ARHGEF1: variants seen among roughly 807,000 people sequenced by gnomAD.
The protein encoded by ARHGEF1 is Rho guanine nucleotide exchange factor 1, also known as 115 kDa guanine nucleotide exchange factor.
A neutral mutation model predicts 119.7 loss-of-function variants in ARHGEF1; 40 were observed. That is an observed-to-expected ratio of 0.33 (90% CI 0.26 to 0.44). The LOEUF (loss-of-function observed/expected upper bound fraction) is 0.44, where lower values mean the gene tolerates loss of function less well. Among genes scored for constraint, ARHGEF1 ranks in the 20% least tolerant of loss-of-function variants. The pLI, the probability that ARHGEF1 is intolerant of heterozygous loss-of-function variation, is 1.00. For missense variants in ARHGEF1, 976 were observed against 1,268.3 expected, an observed-to-expected ratio of 0.77 and a Z score of 3.50; for synonymous variants, 494 against 521.0, an observed-to-expected ratio of 0.95 and a Z score of 0.71.
At chr19:41,922,404 C>T (rs145416572), upstream of ARHGEF1, among the ~76,000 whole-genome samples, 19 of 152,012 alleles carry the variant, frequency 1.2e-4, no homozygotes, top group African/African-American at 4.3e-4. Context: ...GGGATGGAGC[C>T]GAGAGCTAGA....
downstream of ARHGEF1, among the ~76,000 whole-genome samples, chr19:41,910,456 C>T (rs782429537): frequency 1.3e-5 from 2 of 152,112 alleles, no homozygotes; most frequent in Non-Finnish European, 2.9e-5. This position sits in a 1 kb window ranked among gnomAD's most constrained non-coding sequence, Gnocchi z 4.4. Context: ...TTAGTCCTCT[C>T]ACTGCCCCCA....
chr19:41,894,006 A>C (rs372762523), intron 8 of ARHGEF1, among the ~76,000 whole-genome samples: 1 of 151,434 alleles, frequency 6.6e-6, no homozygotes, highest in East Asian at 1.9e-4. Context: ...GGCATTGGGT[A>C]ACAGCCCTTG....
upstream of ARHGEF1, among the ~76,000 whole-genome samples, chr19:41,918,591 A>G (rs887944318): frequency 2.7e-5 from 4 of 148,610 alleles, no homozygotes; most frequent in Admixed American, 1.3e-4. Context: ...CAGTACATAC[A>G]CTACCCATCA....
Position 41,895,431 on chromosome 19 carries a change from C to T in ARHGEF1, c.960C>T (p.Asp320=), listed in dbSNP as rs948632192. 4.3e-6 allele frequency: 7 copies of T among 1,612,660 alleles called. No individual in the cohort carries two copies. The East Asian group carries it at 1.6e-4, about 36-fold the overall frequency. The change falls in exon 12 of 29, where the codon GAC becomes GAT. Residue 320 remains aspartate (D), a synonymous_variant. Transcript: ENST00000354532. ...GGAATATCGGGGCTCCTGGGCAGGACACCCCTGGAGTCTCTCTGCACCCTC... is the reference window on the plus strand; with the variant it reads ...GGAATATCGGGGCTCCTGGGCAGGATACCCCTGGAGTCTCTCTGCACCCTC... The part of the protein sequence containing the change: ...RDRNIGAPGQ[D]TPGVSLHPLS...
rs1369268156 is a variant in ARHGEF1 at position 41,906,196 on chromosome 19, G to C, written c.2491+171G>C. 1.5e-6 allele frequency: 1 copy of C among 681,360 alleles called. No homozygotes were observed. The highest frequency in any genetic ancestry group is 1.8e-5 in the African/African-American group (1 of 55,352). 42.2% of individuals were successfully genotyped at this position (681,360 alleles called of 1,614,324 possible). A position where few individuals can be genotyped will look rare whatever the true frequency, so the allele number is the denominator to read the frequency against. On this transcript the variant is annotated intron_variant, in intron 26 of 28. Transcript: ENST00000354532. This position sits in a 1 kb window ranked among gnomAD's most constrained non-coding sequence, Gnocchi z 4.5. Reference sequence around the variant, plus strand: ...TCCTGGGTGCCCACGTCCCTCTTCTGCAGCCACCATCCCTTGCTTGATTCT... The same window carrying C: ...TCCTGGGTGCCCACGTCCCTCTTCTCCAGCCACCATCCCTTGCTTGATTCT...
Position 41,901,754 on chromosome 19 carries a change from G to A in ARHGEF1, c.1268-133G>A, listed in dbSNP as rs1032371661. 3.6e-5 allele frequency: 41 copies of A among 1,130,102 alleles called. No homozygotes were observed. In the African/African-American group the frequency reaches 4.4e-4, roughly 12 times the overall value. The allele number at this position is 1,130,102 out of a possible 1,614,324, so 70.0% of individuals were successfully genotyped here. A position where few individuals can be genotyped will look rare whatever the true frequency, so the allele number is the denominator to read the frequency against. The stretch of plus-strand genomic sequence containing the variant: ...AAGTGTGAACCACCATGGCTAGCCA[G>A]AGAGAGTTTTTTCCCACCAACTTCT... On this transcript the variant is annotated intron_variant, in intron 14 of 28. Coordinates refer to ENST00000354532, the MANE Select transcript of ARHGEF1 (RefSeq NM_004706.4).
In ARHGEF1 at chr19:41,905,528, CAT is replaced by C. The variant is rs2074678845; in HGVS notation, c.2337-231_2337-230del. On this transcript the variant is annotated intron_variant, in intron 24 of 28. Coordinates refer to ENST00000354532, the MANE Select transcript of ARHGEF1 (RefSeq NM_004706.4). This position sits in a 1 kb window ranked among gnomAD's most constrained non-coding sequence, Gnocchi z 6.4. ...GCATGCGTGTGACAGCATGTGCATG[CAT>C]GTGTGTGTGTGTGCGCATGTGCCGA... 15 of 614,710 alleles carry C rather than the reference CAT, an allele frequency of 2.4e-5. No individual in the cohort carries two copies. The highest frequency in any genetic ancestry group is 7.8e-5 in the South Asian group (4 of 50,982). The allele number at this position is 614,710 out of a possible 1,614,324, so 38.1% of individuals were successfully genotyped here. A position where few individuals can be genotyped will look rare whatever the true frequency, so the allele number is the denominator to read the frequency against.
chr19:41,907,023 TC>T, intron 28 of ARHGEF1, 81 bp from the exon 29 acceptor site: 4 of 1,316,396 alleles, frequency 3.0e-6, no homozygotes, highest in Non-Finnish European at 4.0e-6. Flanking sequence ...CTCTCTGCTC[TC>T]CCTGTCTTGT....
At position 41,902,636 on chromosome 19, in the gene ARHGEF1, C is replaced by T; in HGVS notation, c.1601C>T (p.Pro534Leu). The T allele has an allele frequency of 6.2e-7, 1 of 1,614,242 alleles. No homozygotes were observed. The highest frequency in any genetic ancestry group is 8.5e-7 in the Non-Finnish European group (1 of 1,180,040). The part of the protein sequence containing the change: ...EQLKAKQRKD[P>L]RFCAFVQEAE... Reference sequence around the variant, plus strand: ...CTCAAAGCCAAGCAACGCAAGGACCCTCGGTTCTGTGCCTTCGTGCAGGTG... The same window carrying T: ...CTCAAAGCCAAGCAACGCAAGGACCTTCGGTTCTGTGCCTTCGTGCAGGTG... Residue 534 changes from proline to leucine, a missense_variant, in exon 17 of 29, where the codon CCT (proline) becomes CTT (leucine). Coordinates refer to ENST00000354532, the MANE Select transcript of ARHGEF1 (RefSeq NM_004706.4). This position sits in a 1 kb window ranked among gnomAD's most constrained non-coding sequence, Gnocchi z 6.5.
rs782410469 is a variant in ARHGEF1, at chr19:41,906,046, CA to C, written c.2491+22del. On this transcript the variant is annotated intron_variant, in intron 26 of 28. Transcript: ENST00000354532. The surrounding 1 kb of genome is among the most constrained non-coding windows in gnomAD (Gnocchi z 4.5). Reference sequence around the variant, plus strand: ...GAAAGGTAGCCCAGCTCTGCCCCTCCAGGGTGGCCACCAGCCCAAACAGTGC... The same window carrying C: ...GAAAGGTAGCCCAGCTCTGCCCCTCCGGGTGGCCACCAGCCCAAACAGTGC... The C allele has an allele frequency of 3.1e-6, 5 of 1,610,580 alleles. No individual in the cohort carries two copies. In the Admixed American group the frequency reaches 6.7e-5, roughly 21 times the overall value.
chr19:41,902,260 T>C lies in ARHGEF1; in HGVS notation c.1415-14T>C. On this transcript the variant is annotated splice_polypyrimidine_tract_variant and intron_variant, in intron 15 of 28. Coordinates refer to ENST00000354532, the MANE Select transcript of ARHGEF1 (RefSeq NM_004706.4). The surrounding 1 kb of genome is among the most constrained non-coding windows in gnomAD (Gnocchi z 6.5). ...AGACCCTGGTGGAGCATCCCTTTCCTCCTGCCCCCACAGCCCTGTTCCTCG... is the reference window on the plus strand; with the variant it reads ...AGACCCTGGTGGAGCATCCCTTTCCCCCTGCCCCCACAGCCCTGTTCCTCG... 1 of 1,613,900 alleles carries C rather than the reference T, an allele frequency of 6.2e-7. No individual in the cohort carries two copies. The highest frequency in any genetic ancestry group is 8.5e-7 in the Non-Finnish European group (1 of 1,179,894).
intron 18 of ARHGEF1, among the ~76,000 whole-genome samples, chr19:41,914,845 GTCTCTCCCCCCCTCCACCA>G (rs1379404901): frequency 3.3e-4 from 4 of 12,222 alleles, no homozygotes; most frequent in East Asian, 7.3e-3. Context: ...CACCGTCTCT[GTCTCTCCCCCCCTCCACCA>G]TCTCTGTCTC....
In ARHGEF1 at chr19:41,914,702, C is replaced by T. The variant is rs112334487; in HGVS notation, c.1865+7899C>T. Among the ~76,000 whole-genome samples the T allele has an allele frequency of 7.7e-4, 12 of 15,568 alleles. 1 individual carries two copies. The highest frequency in any genetic ancestry group is 9.5e-4 in the Non-Finnish European group (9 of 9,436). 10.2% of individuals were successfully genotyped at this position (15,568 alleles called of 152,430 possible). ...TCCACCATCTCTGTCTCTCCCTCCC[C>T]TTCCACCATCTCTGTCTCTCCCTCC... On this transcript the variant is annotated intron_variant, in intron 18 of 20. Coordinates refer to the ARHGEF1 transcript ENST00000599589.
Position 41,925,176 on chromosome 19 carries a change from G to A in ARHGEF1, c.140+1943G>A, listed in dbSNP as rs180786165. Reference sequence around the variant, plus strand: ...ATGCATAGTGGGTGTCGAAGCCTCGGTATCTGTTTGCTGATTAAATGATTT... The same window carrying A: ...ATGCATAGTGGGTGTCGAAGCCTCGATATCTGTTTGCTGATTAAATGATTT... On this transcript the variant is annotated intron_variant, in intron 1 of 2. Coordinates refer to the ARHGEF1 transcript ENST00000594417. Among the ~76,000 whole-genome samples, 581 of 152,256 alleles carry A rather than the reference G, an allele frequency of 3.8e-3. 4 individuals are homozygous for A. Among genetic ancestry groups the A allele is most frequent in the African/African-American group, 0.013 (550 of 41,524 alleles).
Position 41,902,879 on chromosome 19 carries a change from G to A in ARHGEF1, c.1719G>A (p.Gln573=). The change falls in exon 18 of 29, where the codon CAG becomes CAA. Residue 573 remains glutamine (Q), a synonymous_variant. Transcript: ENST00000354532. The surrounding 1 kb of genome is among the most constrained non-coding windows in gnomAD (Gnocchi z 6.5). ...TGACCAAGTACCCCCTGCTCCTGCAGAGCATCGGGCAGAACACAGGTACCG... is the reference window on the plus strand; with the variant it reads ...TGACCAAGTACCCCCTGCTCCTGCAAAGCATCGGGCAGAACACAGGTACCG... ...QRLTKYPLLL[Q]SIGQNTEEPT... 1 of 1,612,168 alleles carries A rather than the reference G, an allele frequency of 6.2e-7. No homozygotes were observed. The highest frequency in any genetic ancestry group is 8.5e-7 in the Non-Finnish European group (1 of 1,179,238).
Position 41,902,095 on chromosome 19 carries a change from C to G in ARHGEF1, c.1414+62C>G. The G allele has an allele frequency of 6.3e-7, 1 of 1,599,264 alleles. No individual in the cohort carries two copies. The highest frequency in any genetic ancestry group is 2.2e-5 in the East Asian group (1 of 44,708). On this transcript the variant is annotated intron_variant, in intron 15 of 28. Coordinates refer to ENST00000354532, the MANE Select transcript of ARHGEF1 (RefSeq NM_004706.4). This position sits in a 1 kb window ranked among gnomAD's most constrained non-coding sequence, Gnocchi z 6.5. ...TGCCCCACGGGCAGCTCTGCTCTAGCCCTGGGTTCAACCTGCTCGGGAACC... is the reference window on the plus strand; with the variant it reads ...TGCCCCACGGGCAGCTCTGCTCTAGGCCTGGGTTCAACCTGCTCGGGAACC...
Position 41,917,361 on chromosome 19 carries a change from C to A in ARHGEF1, c.1866-5731C>A, listed in dbSNP as rs1322969698. ...GTCTCCTAACGCCCCATCACCACGC[C>A]CCCCTGGGCTGGGGTTTAACCAGTT... On this transcript the variant is annotated intron_variant, in intron 18 of 20. Coordinates refer to the ARHGEF1 transcript ENST00000599589. The surrounding 1 kb of genome is among the most constrained non-coding windows in gnomAD (Gnocchi z 4.8). 6.6e-6 allele frequency among the ~76,000 whole-genome samples: 1 copy of A among 151,960 alleles called. No individual in the cohort carries two copies. The highest frequency in any genetic ancestry group is 6.6e-5 in the Admixed American group (1 of 15,260).
chr19:41,929,395 T>C (rs1250719437), intron 2 of ARHGEF1, among the ~76,000 whole-genome samples: 1 of 151,994 alleles, frequency 6.6e-6, no homozygotes, highest in African/African-American at 2.4e-5. Flanking sequence ...ACACCTACAG[T>C]GACAGGAAAG....
intron 18 of ARHGEF1, among the ~76,000 whole-genome samples, chr19:41,913,109 C>T (rs1351500272): frequency 6.6e-6 from 1 of 151,972 alleles, no homozygotes. Flanking sequence ...CTGTCCCCAG[C>T]CGTTCCCGGC....
Sources: gnomAD v4.1 joint callset for allele counts (sites outside exome capture counted in the v4.1 genomes callset) on GRCh38, gnomAD v4.1.1 for gene constraint, Gnocchi (gnomAD v3.1) non-coding constraint, MANE v1.5 for transcripts, NCBI Gene and HGNC (gene_info 2026-07-23, HGNC 2026-07-21) for gene names.